LAMTOR1: variants seen among roughly 807,000 people sequenced by gnomAD.
LAMTOR1 encodes late endosomal/lysosomal adaptor, MAPK and MTOR activator 1.
Under a neutral mutation model 20.5 loss-of-function variants are expected in LAMTOR1, and 8 were observed. The observed-to-expected ratio is 0.39, with a 90% CI of 0.23 to 0.70. LAMTOR1 has a LOEUF of 0.70. Among genes scored for constraint, LAMTOR1 ranks in the 30% least tolerant of loss-of-function variants. LAMTOR1 has a pLI of 0.43. For synonymous variants in LAMTOR1, 77 were observed against 80.9 expected, an observed-to-expected ratio of 0.95 and a Z score of 0.26; for missense variants, 135 against 206.2, an observed-to-expected ratio of 0.65 and a Z score of 2.11.
chr11:72,101,594 G>A (rs958239632), intron 1 of LAMTOR1, among the ~76,000 whole-genome samples: 1 of 152,178 alleles, frequency 6.6e-6, no homozygotes, highest in South Asian at 2.1e-4. Context: ...AAACTGTAAC[G>A]TGTTGTATAT....
At position 72,103,163 on chromosome 11, in the gene LAMTOR1, C is replaced by T. The variant is rs1290796065; in HGVS notation, c.42+20G>A. Reference sequence around the variant, plus strand: ...AGTGTCTTAGCCCTCATTCCCGAGCCCCGCCTGCCGCGGCCGCACCTGGTC... The same window carrying T: ...AGTGTCTTAGCCCTCATTCCCGAGCTCCGCCTGCCGCGGCCGCACCTGGTC... On this transcript the variant is annotated intron_variant, in intron 1 of 4. Transcript: ENST00000278671. The T allele has an allele frequency of 1.3e-6, 2 of 1,582,700 alleles. No individual in the cohort carries two copies. Among genetic ancestry groups the T allele is most frequent in the Non-Finnish European group, 1.7e-6 (2 of 1,165,118 alleles).
In LAMTOR1 at chr11:72,097,690, CCTT is replaced by C. The variant is rs1211402343; in HGVS notation, c.*129_*131del. 21 of 1,550,926 alleles carry C rather than the reference CCTT, an allele frequency of 1.4e-5. No individual in the cohort carries two copies. The highest frequency in any genetic ancestry group is 8.2e-5 in the African/African-American group (6 of 73,358). ...AGGCTTCTAGCCTTCCTCTTCTCCT[CCTT>C]CTTCACATTTTTCTCTGTGATTAGT... On this transcript the variant is annotated 3_prime_UTR_variant, in exon 5 of 5. Transcript: ENST00000278671.
intron 2 of LAMTOR1, 47 bp from the exon 3 acceptor site, chr11:72,098,905 G>A (rs1480959420): frequency 1.4e-5 from 20 of 1,462,154 alleles, no homozygotes; most frequent in South Asian, 5.2e-5. Context: ...CTTCCGAGAA[G>A]GACAAACAGG....
At position 72,097,652 on chromosome 11, in the gene LAMTOR1, C is replaced by A; in HGVS notation, c.*170G>T. On this transcript the variant is annotated 3_prime_UTR_variant, in exon 5 of 5. Coordinates refer to ENST00000278671, the MANE Select transcript of LAMTOR1 (RefSeq NM_017907.3). ...CAAAGGCCAGTCCCAAAAGGTTCTA[C>A]CCTCACTTGCTCAGGCTTCTAGCCT... 1 of 1,467,124 alleles carries A rather than the reference C, an allele frequency of 6.8e-7. No homozygotes were observed. The highest frequency in any genetic ancestry group is 9.0e-7 in the Non-Finnish European group (1 of 1,110,360). The allele number at this position is 1,467,124 out of a possible 1,614,324, so 90.9% of individuals were successfully genotyped here. A position where few individuals can be genotyped will look rare whatever the true frequency, so the allele number is the denominator to read the frequency against.
chr11:72,101,459 T>C (rs747274050), intron 1 of LAMTOR1, among the ~76,000 whole-genome samples: 4 of 152,248 alleles, frequency 2.6e-5, no homozygotes, highest in Non-Finnish European at 5.9e-5. Flanking sequence ...GCACTAGCAC[T>C]TCTCAGCTTG....
In LAMTOR1 at chr11:72,098,497, G is replaced by A. The variant is rs535499530; in HGVS notation, c.267-82C>T. On this transcript the variant is annotated intron_variant, in intron 3 of 4. Transcript: ENST00000278671. ...GCCCAGGTAAGCCTCATCCCCTCAG[G>A]CCAGAGAAGCAGGGTGTCGAGGAGG... 65 of 1,493,160 alleles carry A rather than the reference G, an allele frequency of 4.4e-5. No homozygotes were observed. The African/African-American group carries it at 7.7e-4, about 18-fold the overall frequency. The allele number at this position is 1,493,160 out of a possible 1,614,324, so 92.5% of individuals were successfully genotyped here.
At position 72,097,770 on chromosome 11, in the gene LAMTOR1, G is replaced by A; in HGVS notation, c.*52C>T. 3 of 1,613,666 alleles carry A rather than the reference G, an allele frequency of 1.9e-6. No individual in the cohort carries two copies. Among genetic ancestry groups the A allele is most frequent in the East Asian group, 2.2e-5 (1 of 44,880 alleles). ...CAGTGAGGCTGGGGGCCAAGGGGGTGGGGTAGAGATGGGATGAAGAGAGGA... is the reference window on the plus strand; with the variant it reads ...CAGTGAGGCTGGGGGCCAAGGGGGTAGGGTAGAGATGGGATGAAGAGAGGA... On this transcript the variant is annotated 3_prime_UTR_variant, in exon 5 of 5. Coordinates refer to ENST00000278671, the MANE Select transcript of LAMTOR1 (RefSeq NM_017907.3).
Position 72,097,752 on chromosome 11 carries a change from G to T in LAMTOR1, c.*70C>A. The T allele has an allele frequency of 6.2e-7, 1 of 1,612,692 alleles. No homozygotes were observed. The highest frequency in any genetic ancestry group is 1.1e-5 in the South Asian group (1 of 91,036). On this transcript the variant is annotated 3_prime_UTR_variant, in exon 5 of 5. Transcript: ENST00000278671. The stretch of plus-strand genomic sequence containing the variant: ...AGGGTACTGTATAAGCCGCAGTGAG[G>T]CTGGGGGCCAAGGGGGTGGGGTAGA...
intron 1 of LAMTOR1, among the ~76,000 whole-genome samples, chr11:72,101,894 T>C (rs1434562744): frequency 6.6e-6 from 1 of 152,200 alleles, no homozygotes; most frequent in Non-Finnish European, 1.5e-5. Flanking sequence ...CAAGAGTCCA[T>C]ATTATGCTTT....
Position 72,099,115 on chromosome 11 carries a change from C to A in LAMTOR1, c.184G>T (p.Ala62Ser). 2.5e-6 allele frequency: 4 copies of A among 1,613,852 alleles called. No homozygotes were observed. The highest frequency in any genetic ancestry group is 3.4e-6 in the Non-Finnish European group (4 of 1,179,980). Residue 62 changes from alanine to serine, a missense_variant, in exon 2 of 5, where the codon GCC becomes TCC. By Grantham distance (99) the Ala-to-Ser change is moderately conservative. Coordinates refer to ENST00000278671, the MANE Select transcript of LAMTOR1 (RefSeq NM_017907.3). ...GCCTGGTCCTCTGACACTTACCTGG[C>A]TGTCTTGGCAAGGATGGAAGAGAGC... Reference protein sequence around the residue: ...ALLSSILAKTASNIIDVSAAD... With the variant: ...ALLSSILAKTSSNIIDVSAAD...
Position 72,098,412 on chromosome 11 carries a change from G to T in LAMTOR1, c.270C>A (p.Thr90=), listed in dbSNP as rs1208956612. Reference sequence around the variant, plus strand: ...GGCTGCTGCTCAGCACAGCCAAGCGGGTGCTGACCAAGAGAGAGGGGGTGG... The same window carrying T: ...GGCTGCTGCTCAGCACAGCCAAGCGTGTGCTGACCAAGAGAGAGGGGGTGG... ...EYMDRARQYS[T]RLAVLSSSLT... The change falls in exon 4 of 5, where the codon ACC becomes ACA. Residue 90 remains threonine, a synonymous_variant. Transcript: ENST00000278671. 4 of 1,611,588 alleles carry T rather than the reference G, an allele frequency of 2.5e-6. No individual in the cohort carries two copies. Among genetic ancestry groups the T allele is most frequent in the Non-Finnish European group, 3.4e-6 (4 of 1,179,096 alleles).
chr11:72,098,707 G>T, intron 3 of LAMTOR1, 74 bp downstream of exon 3: 1 of 1,133,362 alleles, frequency 8.8e-7, no homozygotes, highest in Non-Finnish European at 1.2e-6. Flanking sequence ...TAGGGGCCAG[G>T]CTCCAAAGCT....
chr11:72,100,161 CT>C (rs1382388840), intron 1 of LAMTOR1, among the ~76,000 whole-genome samples: 5 of 152,096 alleles, frequency 3.3e-5, no homozygotes, highest in Non-Finnish European at 5.9e-5. Flanking sequence ...ACTTGGGAGG[CT>C]GAAGTGCAAC....
At chr11:72,102,059 T>A (rs923806361) in intron 1 of LAMTOR1, among the ~76,000 whole-genome samples, 1 of 152,200 alleles carries the variant, frequency 6.6e-6, no homozygotes, top group African/African-American at 2.4e-5. Flanking sequence ...GTATGGAGAA[T>A]TGAGAACCAG....
At chr11:72,102,895 G>A (rs1271311289) in intron 1 of LAMTOR1, among the ~76,000 whole-genome samples, 1 of 152,258 alleles carries the variant, frequency 6.6e-6, no homozygotes, top group Non-Finnish European at 1.5e-5. Context: ...GACCTAGACT[G>A]AGGATCCTTG....
chr11:72,101,246 T>A (rs986440780), intron 1 of LAMTOR1, among the ~76,000 whole-genome samples: 1 of 151,050 alleles, frequency 6.6e-6, no homozygotes, highest in African/African-American at 2.4e-5. Flanking sequence ...ATCACCCCAC[T>A]CCCAAAGTGC....
rs1179626798 is a variant in LAMTOR1 at position 72,097,696 on chromosome 11, T to G, written c.*126A>C. On this transcript the variant is annotated 3_prime_UTR_variant, in exon 5 of 5. Coordinates refer to ENST00000278671, the MANE Select transcript of LAMTOR1 (RefSeq NM_017907.3). ...CTAGCCTTCCTCTTCTCCTCCTTCT[T>G]CACATTTTTCTCTGTGATTAGTAGC... 6.4e-7 allele frequency: 1 copy of G among 1,557,320 alleles called. No individual in the cohort carries two copies. The highest frequency in any genetic ancestry group is 1.4e-5 in the African/African-American group (1 of 73,406).
Position 72,097,685 on chromosome 11 carries a change from C to T in LAMTOR1, c.*137G>A. On this transcript the variant is annotated 3_prime_UTR_variant, in exon 5 of 5. Transcript: ENST00000278671. ...TGCTCAGGCTTCTAGCCTTCCTCTT[C>T]TCCTCCTTCTTCACATTTTTCTCTG... The T allele has an allele frequency of 1.3e-6, 2 of 1,542,904 alleles. No homozygotes were observed. Among genetic ancestry groups the T allele is most frequent in the East Asian group, 2.3e-5 (1 of 43,502 alleles).
At chr11:72,098,521 G>C in intron 3 of LAMTOR1, 106 bp from the exon 4 acceptor site, 1 of 1,362,610 alleles carries the variant, frequency 7.3e-7, no homozygotes, top group East Asian at 2.5e-5. Context: ...GTGTCGAGGA[G>C]GGGTATCTGG....
Sources: allele counts gnomAD v4.1 joint callset (sites outside exome capture counted in the v4.1 genomes callset), GRCh38; gene constraint gnomAD v4.1.1; transcripts MANE v1.5; gene names NCBI Gene and HGNC (gene_info 2026-07-23, HGNC 2026-07-21).